Variants in SESTD1 observed in about 807,000 individuals in gnomAD.
The protein encoded by SESTD1 is SEC14 domain and spectrin repeat-containing protein 1.
SESTD1 carries 43 observed loss-of-function variants against 101.7 expected under a neutral mutation model. That is an observed-to-expected ratio of 0.42 (90% CI 0.33 to 0.55). The LOEUF (loss-of-function observed/expected upper bound fraction) is 0.55, where lower values mean the gene tolerates loss of function less well. Ranked by LOEUF, SESTD1 falls within the 20% of genes least tolerant of loss-of-function variation. The pLI is 0.07. For synonymous variants in SESTD1, 283 were observed against 286.8 expected (o/e 0.99, Z 0.13); for missense variants, 647 against 815.1 (o/e 0.79, Z 2.51).
At position 179,105,891 on chromosome 2, in the gene SESTD1, TCCTCTA is replaced by T. The variant is rs1238799783; in HGVS notation, c.*4002_*4007del. ...TTCTTGTTTTAGCTGGTATGTTCTT[TCCTCTA>T]CAAGTACTGCCATTATTTATGCTTC... On this transcript the variant is annotated 3_prime_UTR_variant, in exon 18 of 18. Coordinates refer to ENST00000428443, the MANE Select transcript of SESTD1 (RefSeq NM_178123.5). 1.3e-5 allele frequency: 2 copies of T among 152,202 alleles called. No homozygotes were observed. Among genetic ancestry groups the T allele is most frequent in the African/African-American group, 4.8e-5 (2 of 41,452 alleles). The allele number at this position is 152,202 out of a possible 1,614,324, so 9.4% of individuals were successfully genotyped here. A position where few individuals can be genotyped will look rare whatever the true frequency, so the allele number is the denominator to read the frequency against.
Position 179,102,344 on chromosome 2 carries a change from TA to T in SESTD1, c.*7554del, listed in dbSNP as rs2044289787. ...CACTGTTAGAAACAATTTAAACCTT[TA>T]CAAAAAATAACTCAAATTGATTCAA... is the stretch of plus-strand genomic sequence containing the variant. On this transcript the variant is annotated 3_prime_UTR_variant, in exon 18 of 18. Coordinates refer to ENST00000428443, the MANE Select transcript of SESTD1 (RefSeq NM_178123.5). 6.6e-6 allele frequency: 1 copy of T among 152,156 alleles called. No homozygotes were observed. Among genetic ancestry groups the T allele is most frequent in the Admixed American group, 6.6e-5 (1 of 15,260 alleles). 9.4% of individuals were successfully genotyped at this position (152,156 alleles called of 1,614,324 possible). A position where few individuals can be genotyped will look rare whatever the true frequency, so the allele number is the denominator to read the frequency against.
intron 1 of SESTD1, among the ~76,000 whole-genome samples, chr2:179,202,840 G>C (rs934834274): frequency 1.5e-5 from 2 of 134,850 alleles, no homozygotes; most frequent in Non-Finnish European, 3.2e-5. Flanking sequence ...CCTCTCTGAT[G>C]AGTGCCTTCC....
intron 1 of SESTD1, among the ~76,000 whole-genome samples, chr2:179,235,799 C>T (rs1206139873): frequency 6.6e-6 from 1 of 152,136 alleles, no homozygotes; most frequent in Non-Finnish European, 1.5e-5. Flanking sequence ...CATCCTCCTG[C>T]CTCTCTCTCC....
chr2:179,138,662 C>T (rs1186147185), intron 9 of SESTD1, among the ~76,000 whole-genome samples: 1 of 152,012 alleles, frequency 6.6e-6, no homozygotes, highest in African/African-American at 2.4e-5. Context: ...ACAAAAAATA[C>T]TTCTGCAGCC....
At chr2:179,157,978 T>C (rs746917046) in intron 5 of SESTD1, among the ~76,000 whole-genome samples, 18 of 152,138 alleles carry the variant, frequency 1.2e-4, no homozygotes, top group Admixed American at 1.1e-3. Context: ...CATAACAGCA[T>C]AGAGGGCCAA....
chr2:179,173,457 AAT>A (rs2105475867), intron 4 of SESTD1, among the ~76,000 whole-genome samples: 1 of 152,342 alleles, frequency 6.6e-6, no homozygotes, highest in South Asian at 2.1e-4. Context: ...GTTTATGACA[AAT>A]ATCTCACATA....
intron 1 of SESTD1, among the ~76,000 whole-genome samples, chr2:179,251,754 C>T (rs2047320431): frequency 6.6e-6 from 1 of 152,200 alleles, no homozygotes; most frequent in African/African-American, 2.4e-5. Context: ...TAAAAGAAAT[C>T]TGGAGAGTTC....
intron 1 of SESTD1, among the ~76,000 whole-genome samples, chr2:179,253,711 A>T (rs372236815): frequency 6.6e-6 from 1 of 152,198 alleles, no homozygotes; most frequent in African/African-American, 2.4e-5. Context: ...GAAAGAATAC[A>T]TAAGAATCTG....
Position 179,215,938 on chromosome 2 carries a change from T to G in SESTD1, c.-25-24072A>C, listed in dbSNP as rs776605706. Among the ~76,000 whole-genome samples, 11 of 135,012 alleles carry G rather than the reference T, an allele frequency of 8.1e-5. 2 individuals are homozygous for G. Among genetic ancestry groups the G allele is most frequent in the Non-Finnish European group, 1.8e-4 (11 of 62,740 alleles). The allele number at this position is 135,012 out of a possible 152,430, so 88.6% of individuals were successfully genotyped here. On this transcript the variant is annotated intron_variant, in intron 1 of 17. Transcript: ENST00000428443. ...AGAAAAGGCCTTCAATAAAATTCAG[T>G]AGCCCTTTATGCTAAAAACTCTCAA...
At chr2:179,141,002 G>C (rs1186564601) in intron 9 of SESTD1, among the ~76,000 whole-genome samples, 3 of 152,108 alleles carry the variant, frequency 2.0e-5, no homozygotes, top group Non-Finnish European at 4.4e-5. Context: ...TCAGTTTAAA[G>C]CACTCTTCTT....
In SESTD1 at chr2:179,146,386, A is replaced by T. The variant is rs1559112835; in HGVS notation, c.637+16T>A. The T allele has an allele frequency of 6.3e-7, 1 of 1,596,118 alleles. No homozygotes were observed. ...GGTTTACTGGATTATTATCACAAATATTTTTTAAATCTTACCTGTCTGAAG... is the reference window on the plus strand; with the variant it reads ...GGTTTACTGGATTATTATCACAAATTTTTTTTAAATCTTACCTGTCTGAAG... On this transcript the variant is annotated intron_variant, in intron 8 of 17. Coordinates refer to ENST00000428443, the MANE Select transcript of SESTD1 (RefSeq NM_178123.5).
intron 1 of SESTD1, 124 bp downstream of exon 1, chr2:179,264,375 C>G (rs1365788550): frequency 6.6e-6 from 1 of 150,946 alleles, no homozygotes; most frequent in Non-Finnish European, 1.5e-5. Flanking sequence ...CCCCGCGGCC[C>G]GCGCAGGGGA....
At chr2:179,117,052 T>TATTTCTGTATGTAGA (rs1185281038) in intron 14 of SESTD1, among the ~76,000 whole-genome samples, 1 of 152,258 alleles carries the variant, frequency 6.6e-6, no homozygotes, top group Non-Finnish European at 1.5e-5. Flanking sequence ...AAAGATCATG[T>TATTTCTGTATGTAGA]ATTTCTGTAT....
At chr2:179,174,285 G>C in intron 4 of SESTD1, 1 of 373,920 alleles carries the variant, frequency 2.7e-6, no homozygotes, top group Non-Finnish European at 5.3e-6. Context: ...TGTTTGACTA[G>C]AAGTAAAAAG....
intron 2 of SESTD1, among the ~76,000 whole-genome samples, chr2:179,190,811 T>C (rs755622985): frequency 5.3e-5 from 8 of 152,220 alleles, no homozygotes; most frequent in Non-Finnish European, 7.4e-5. Flanking sequence ...TGCAATCAAA[T>C]TGACAATGAA....
Position 179,231,014 on chromosome 2 carries a change from T to C in SESTD1, c.-26+33485A>G, listed in dbSNP as rs568281178. 8.0e-4 allele frequency among the ~76,000 whole-genome samples: 122 copies of C among 152,108 alleles called. 1 individual carries two copies. Among genetic ancestry groups the C allele is most frequent in the Non-Finnish European group, 1.6e-3 (106 of 67,966 alleles). Reference sequence around the variant, plus strand: ...AGACTTCTCAAAACAACAAAACATATAGAAAGCAAGGCCACATTATAAAAA... The same window carrying C: ...AGACTTCTCAAAACAACAAAACATACAGAAAGCAAGGCCACATTATAAAAA... On this transcript the variant is annotated intron_variant, in intron 1 of 17. Transcript: ENST00000428443.
intron 1 of SESTD1, among the ~76,000 whole-genome samples, chr2:179,261,418 G>A (rs529780581): frequency 1.5e-4 from 23 of 151,988 alleles, no homozygotes; most frequent in African/African-American, 5.3e-4. Context: ...TTAACTGTAA[G>A]GTTAAAAAAA....
At position 179,240,230 on chromosome 2, in the gene SESTD1, G is replaced by A. The variant is rs78690910; in HGVS notation, c.-26+24269C>T. ...GCTAAGATTCTTCACAGATTAAGAA[G>A]CTCTCTGAATAACAGACGAAGAAAC... On this transcript the variant is annotated intron_variant, in intron 1 of 17. Transcript: ENST00000428443. 8.5e-3 allele frequency among the ~76,000 whole-genome samples: 1,287 copies of A among 152,254 alleles called. 10 individuals are homozygous for A. Among genetic ancestry groups the A allele is most frequent in the African/African-American group, 0.029 (1,198 of 41,542 alleles).
At chr2:179,260,460 G>A (rs2047467098) in intron 1 of SESTD1, among the ~76,000 whole-genome samples, 1 of 152,114 alleles carries the variant, frequency 6.6e-6, no homozygotes, top group Non-Finnish European at 1.5e-5. Flanking sequence ...AGGTTGCAGT[G>A]AGGTGTGATC....
Sources: allele counts gnomAD v4.1 joint callset (sites outside exome capture counted in the v4.1 genomes callset), GRCh38; gene constraint gnomAD v4.1.1; transcripts MANE v1.5; gene names NCBI Gene and HGNC (gene_info 2026-07-23, HGNC 2026-07-21).